The following FAM83B variants were observed in gnomAD, a reference collection of about 807,000 sequenced individuals.
FAM83B encodes scaffolding CK1 anchoring protein B.
FAM83B carries 26 observed loss-of-function variants against 38.8 expected under a neutral mutation model. The ratio of observed to expected loss-of-function variants is 0.67; its 90% confidence interval spans 0.49 to 0.93. FAM83B has a LOEUF of 0.93. Ranked by LOEUF, FAM83B falls within the 40% of genes least tolerant of loss-of-function variation. FAM83B has a pLI of 0.00. For synonymous variants in FAM83B, 419 were observed against 423.1 expected, an observed-to-expected ratio of 0.99 and a Z score of 0.12; for missense variants, 1,237 against 1,197.3, an observed-to-expected ratio of 1.03 and a Z score of -0.49.
chr6:54,938,959 T>C (rs1476068713), intron 4 of FAM83B, among the ~76,000 whole-genome samples: 3 of 152,150 alleles, frequency 2.0e-5, no homozygotes, highest in Admixed American at 6.5e-5. Flanking sequence ...GAAGAGTTTT[T>C]ATTATGTTAT....
intron 2 of FAM83B, among the ~76,000 whole-genome samples, chr6:54,888,947 T>G (rs937108375): frequency 1.3e-5 from 2 of 152,096 alleles, no homozygotes; most frequent in Admixed American, 6.6e-5. Context: ...CATTTTTGTG[T>G]TTTTTATAAT....
intron 2 of FAM83B, among the ~76,000 whole-genome samples, chr6:54,877,230 T>C (rs1450580075): frequency 6.6e-6 from 1 of 152,192 alleles, no homozygotes; most frequent in African/African-American, 2.4e-5. Context: ...AAGGCATTCT[T>C]TAGGCATTTG....
intron 2 of FAM83B, among the ~76,000 whole-genome samples, chr6:54,894,715 GA>G (rs1190271578): frequency 6.6e-6 from 1 of 152,146 alleles, no homozygotes; most frequent in African/African-American, 2.4e-5. Context: ...TGACATATTG[GA>G]AAGGGTAACA....
chr6:54,926,898 A>AG (rs1561927709), intron 3 of FAM83B, among the ~76,000 whole-genome samples: 1 of 151,454 alleles, frequency 6.6e-6, no homozygotes, highest in African/African-American at 2.4e-5. Flanking sequence ...TGCCCAGCTA[A>AG]TTTTTTTTGT....
Position 54,855,880 on chromosome 6 carries a change from A to C in FAM83B, c.-61+9054A>C, listed in dbSNP as rs146177903. ...AAGAAATGAATCATCTTTGATTTTA[A>C]TGTAACAATGTAGAAATTCCATTGT... On this transcript the variant is annotated intron_variant, in intron 1 of 4. Coordinates refer to ENST00000306858, the MANE Select transcript of FAM83B (RefSeq NM_001010872.3). 3.0e-3 allele frequency among the ~76,000 whole-genome samples: 461 copies of C among 152,344 alleles called. 7 individuals carry two copies. The highest frequency in any genetic ancestry group is 0.029 in the East Asian group (152 of 5,190).
At chr6:54,868,829 G>T (rs1771778348) in intron 1 of FAM83B, among the ~76,000 whole-genome samples, 1 of 152,130 alleles carries the variant, frequency 6.6e-6, no homozygotes, top group Non-Finnish European at 1.5e-5. Context: ...TTAATCTTTG[G>T]GCTTTCTGTA....
chr6:54,854,442 C>T (rs1771392311), intron 1 of FAM83B, among the ~76,000 whole-genome samples: 1 of 152,134 alleles, frequency 6.6e-6, no homozygotes, highest in African/African-American at 2.4e-5. Context: ...ATAGCCACCC[C>T]ACCCTTCAGC....
rs1378009862 is a variant in FAM83B at position 54,944,252 on chromosome 6, G to A, written c.*2245G>A. 1.3e-5 allele frequency: 2 copies of A among 152,074 alleles called. No homozygotes were observed. The highest frequency in any genetic ancestry group is 4.8e-5 in the African/African-American group (2 of 41,422). 9.4% of individuals were successfully genotyped at this position (152,074 alleles called of 1,614,324 possible). A position where few individuals can be genotyped will look rare whatever the true frequency, so the allele number is the denominator to read the frequency against. The stretch of plus-strand genomic sequence containing the variant: ...ACCATCACAGTTTGTGGATGAAATA[G>A]TTTTAAGCCATATACTTTCTGTCTT... On this transcript the variant is annotated 3_prime_UTR_variant, in exon 5 of 5. Transcript: ENST00000306858.
chr6:54,941,729 T>G lies in FAM83B; in HGVS notation c.2758T>G (p.Ser920Ala). The G allele has an allele frequency of 6.2e-7, 1 of 1,614,128 alleles. No individual in the cohort carries two copies. The highest frequency in any genetic ancestry group is 1.1e-5 in the South Asian group (1 of 91,076). The change falls in exon 5 of 5, where the codon TCC (serine) becomes GCC (alanine). Residue 920 changes from serine to alanine, a missense_variant. Transcript: ENST00000306858. The part of the protein sequence containing the change: ...RRPTSSPRPT[S>A]SELLRSHSTD... Reference sequence around the variant, plus strand: ...ACCTACTTCTTCTCCAAGGCCAACGTCCAGTGAGCTTCTACGATCTCATTC... The same window carrying G: ...ACCTACTTCTTCTCCAAGGCCAACGGCCAGTGAGCTTCTACGATCTCATTC...
chr6:54,938,997 T>C (rs62416518), intron 4 of FAM83B, among the ~76,000 whole-genome samples: 2,641 of 152,316 alleles, frequency 0.017, 37 homozygotes, highest in Middle Eastern at 0.031. Flanking sequence ...GTTTCAGGTC[T>C]TAGATTTAAG....
intron 2 of FAM83B, among the ~76,000 whole-genome samples, chr6:54,879,966 A>T (rs1503153): frequency 0.93 from 141,355 of 152,294 alleles, 65,715 homozygotes; most frequent in East Asian, 1. Flanking sequence ...CTTAATTCTG[A>T]ATCTTAAGGA....
rs959894105 is a variant in FAM83B at position 54,942,569 on chromosome 6, T to G, written c.*562T>G. On this transcript the variant is annotated 3_prime_UTR_variant, in exon 5 of 5. Coordinates refer to ENST00000306858, the MANE Select transcript of FAM83B (RefSeq NM_001010872.3). ...CTTTTACATTTTTTATTTTTTATTT[T>G]TTTTTCTGCCTGAAGTGTTTGCAAA... is the stretch of plus-strand genomic sequence containing the variant. Among the ~76,000 whole-genome samples, 1 of 151,968 alleles carries G rather than the reference T, an allele frequency of 6.6e-6. No individual in the cohort carries two copies. Among genetic ancestry groups the G allele is most frequent in the Non-Finnish European group, 1.5e-5 (1 of 68,036 alleles).
At chr6:54,869,144 G>A (rs1296457649) in intron 1 of FAM83B, among the ~76,000 whole-genome samples, 1 of 152,156 alleles carries the variant, frequency 6.6e-6, no homozygotes, top group Non-Finnish European at 1.5e-5. Flanking sequence ...AGCCTGCATA[G>A]GCAGATTTTG....
At chr6:54,867,713 A>T (rs1400171755) in intron 1 of FAM83B, among the ~76,000 whole-genome samples, 1 of 152,038 alleles carries the variant, frequency 6.6e-6, no homozygotes, top group Non-Finnish European at 1.5e-5. Context: ...ACATAGTTCC[A>T]GAATGAATTT....
Position 54,939,859 on chromosome 6 carries a change from T to C in FAM83B, c.888T>C (p.His296=), listed in dbSNP as rs377376061. The C allele has an allele frequency of 6.1e-4, 978 of 1,613,992 alleles. 9 individuals carry two copies. The South Asian group carries it at 0.01, about 17-fold the overall frequency. The change falls in exon 5 of 5, where the codon CAT becomes CAC. Residue 296 remains histidine (H), a synonymous_variant. Coordinates refer to ENST00000306858, the MANE Select transcript of FAM83B (RefSeq NM_001010872.3). The stretch of plus-strand genomic sequence containing the variant: ...AGGAAGAATCAGCAAGGGTGAAGCA[T>C]GGAAAAGCCCTCTGGGAAAATGGCA... ...FAQEESARVK[H]GKALWENGTY... is the part of the protein sequence containing the mutation.
rs171225 is a variant in FAM83B, at chr6:54,912,849, G to A, written c.445-13522G>A. Among the ~76,000 whole-genome samples the A allele has an allele frequency of 4.0e-3, 601 of 152,092 alleles. 3 individuals carry two copies. Among genetic ancestry groups the A allele is most frequent in the Non-Finnish European group, 7.3e-3 (493 of 67,884 alleles). ...AAGCTATTGGTGTGAAAATATCCAA[G>A]AGAAGAATGAGGAATAGTGGAGTGA... On this transcript the variant is annotated intron_variant, in intron 2 of 4. Transcript: ENST00000306858.
At chr6:54,926,298 C>T in intron 2 of FAM83B, 73 bp from the exon 3 acceptor site, 1 of 987,670 alleles carries the variant, frequency 1.0e-6, no homozygotes, top group Non-Finnish European at 1.5e-6. Context: ...CTGACCTTTA[C>T]TGAAAGTAAG....
At chr6:54,854,027 A>G (rs114232755) in intron 1 of FAM83B, among the ~76,000 whole-genome samples, 1 of 152,180 alleles carries the variant, frequency 6.6e-6, no homozygotes, top group African/African-American at 2.4e-5. Flanking sequence ...TTTGTGGAGG[A>G]TGTAATTGCA....
intron 1 of FAM83B, among the ~76,000 whole-genome samples, chr6:54,867,647 T>C (rs1771742942): frequency 6.6e-6 from 1 of 152,128 alleles, no homozygotes. Flanking sequence ...TTAATTTATC[T>C]ATGTTTTCAT....
Sources: allele counts gnomAD v4.1 joint callset (sites outside exome capture counted in the v4.1 genomes callset), GRCh38; gene constraint gnomAD v4.1.1; transcripts MANE v1.5; gene names NCBI Gene and HGNC (gene_info 2026-07-23, HGNC 2026-07-21).